ROR2: variants seen among roughly 807,000 people sequenced by gnomAD.
The protein encoded by ROR2 is ROR family WNT receptor 2, also known as tyrosine-protein kinase transmembrane receptor ROR2.
Under a neutral mutation model 74.9 loss-of-function variants are expected in ROR2, and 33 were observed. The ratio of observed to expected loss-of-function variants is 0.44; its 90% confidence interval spans 0.33 to 0.59. The LOEUF (loss-of-function observed/expected upper bound fraction) is 0.59, where lower values mean the gene tolerates loss of function less well. Ranked by LOEUF, ROR2 falls within the 20% of genes least tolerant of loss-of-function variation. The probability of loss-of-function intolerance (pLI) is 0.02; values close to 1 mark genes in which losing one functional copy is unlikely to be tolerated. For missense variants in ROR2, 1,216 were observed against 1,313.8 expected, an observed-to-expected ratio of 0.93 and a Z score of 1.15; for synonymous variants, 586 against 558.7, an observed-to-expected ratio of 1.05 and a Z score of -0.69.
At chr9:91,893,338 G>A (rs1203898889) in intron 1 of ROR2, among the ~76,000 whole-genome samples, 1 of 152,122 alleles carries the variant, frequency 6.6e-6, no homozygotes, top group African/African-American at 2.4e-5. Flanking sequence ...TACTCAGGGG[G>A]CCGAGGCAGG....
At chr9:91,863,268 C>T (rs115127886) in intron 1 of ROR2, among the ~76,000 whole-genome samples, 1,913 of 152,278 alleles carry the variant, frequency 0.013, 42 homozygotes, top group African/African-American at 0.043. Context: ...TCAAGTGATC[C>T]TCCCGCCTTG....
chr9:91,796,879 G>A (rs536979008), intron 1 of ROR2, among the ~76,000 whole-genome samples: 2 of 124,942 alleles, frequency 1.6e-5, no homozygotes, highest in African/African-American at 7.0e-5. Flanking sequence ...CTCTGTGGGC[G>A]GGGCTGACAC....
At chr9:91,847,674 G>A (rs986018107) in intron 1 of ROR2, among the ~76,000 whole-genome samples, 2 of 152,212 alleles carry the variant, frequency 1.3e-5, no homozygotes, top group South Asian at 2.1e-4. Context: ...CCAGGGCTGA[G>A]GGTCGAGAGC....
intron 1 of ROR2, among the ~76,000 whole-genome samples, chr9:91,874,142 G>T (rs1829885424): frequency 6.6e-6 from 1 of 152,140 alleles, no homozygotes; most frequent in Non-Finnish European, 1.5e-5. Flanking sequence ...GGGCCTCAAG[G>T]AATCACCCCA....
intron 1 of ROR2, among the ~76,000 whole-genome samples, chr9:91,871,573 G>A (rs1829798260): frequency 1.3e-5 from 2 of 152,150 alleles, no homozygotes; most frequent in Admixed American, 6.5e-5. Context: ...CTCTCCATAT[G>A]GTGTCCCCGA....
chr9:91,884,926 T>C (rs1432421865), intron 1 of ROR2, among the ~76,000 whole-genome samples: 1 of 152,210 alleles, frequency 6.6e-6, no homozygotes, highest in Non-Finnish European at 1.5e-5. Flanking sequence ...GATCAGTTGG[T>C]TGGGGAGACC....
intron 1 of ROR2, among the ~76,000 whole-genome samples, chr9:91,799,361 G>C (rs958437364): frequency 3.9e-5 from 6 of 152,166 alleles, no homozygotes; most frequent in African/African-American, 1.2e-4. Context: ...GAGTATGACC[G>C]TCCCAAGTGT....
At chr9:91,854,938 G>A (rs187892721) in intron 1 of ROR2, among the ~76,000 whole-genome samples, 7 of 152,256 alleles carry the variant, frequency 4.6e-5, no homozygotes, top group African/African-American at 1.7e-4. Flanking sequence ...AGAATAATTA[G>A]TAACTAGAAG....
chr9:91,895,759 G>A lies in ROR2; in HGVS notation c.97+54108C>T, dbSNP rs993279992. Among the ~76,000 whole-genome samples the A allele has an allele frequency of 3.9e-5, 6 of 152,126 alleles. 1 individual carries two copies. Among genetic ancestry groups the A allele is most frequent in the Admixed American group, 6.5e-5 (1 of 15,268 alleles). Reference sequence around the variant, plus strand: ...TCGGGAGGCTGACACGGGAGAATTCGCTTGAACATGAAAGACGGCGGTTGC... The same window carrying A: ...TCGGGAGGCTGACACGGGAGAATTCACTTGAACATGAAAGACGGCGGTTGC... On this transcript the variant is annotated intron_variant, in intron 1 of 8. Transcript: ENST00000375708.
At chr9:91,873,154 C>T (rs1213097090) in intron 1 of ROR2, among the ~76,000 whole-genome samples, 1 of 151,792 alleles carries the variant, frequency 6.6e-6, no homozygotes, top group African/African-American at 2.4e-5. Flanking sequence ...CATTGGTTTT[C>T]ACCCTCCCCT....
At chr9:91,736,915 T>G (rs1199845580) in intron 5 of ROR2, among the ~76,000 whole-genome samples, 2 of 152,168 alleles carry the variant, frequency 1.3e-5, no homozygotes, top group East Asian at 3.9e-4. Context: ...CTACCACTGA[T>G]GACCCGCGAC....
chr9:91,730,961 A>G lies in ROR2; in HGVS notation c.1132T>C (p.Phe378Leu), dbSNP rs745730356. The G allele has an allele frequency of 1.2e-6, 2 of 1,614,160 alleles. No homozygotes were observed. The highest frequency in any genetic ancestry group is 3.3e-5 in the Admixed American group (2 of 60,016). The change falls in exon 7 of 9, where the codon TTT becomes CTT. Residue 378 changes from phenylalanine to leucine, a missense_variant. Physicochemically the swap from Phe to Leu is conservative, Grantham distance 22 (BLOSUM62 0). Transcript: ENST00000375708. ...PGGQMEGPWC[F>L]TQNKNVRMEL... ...ATGCGTACGTTTTTATTCTGCGTAA[A>G]GCACCAGGGGCCCTCCATCTGGCCT...
chr9:91,908,546 A>G (rs1409720906), intron 1 of ROR2, among the ~76,000 whole-genome samples: 7 of 152,334 alleles, frequency 4.6e-5, no homozygotes, highest in African/African-American at 1.7e-4. Flanking sequence ...GTAGATAGGG[A>G]CCAGGTACTT....
At chr9:91,948,964 G>A in intron 1 of ROR2, 1 of 971,506 alleles carries the variant, frequency 1.0e-6, no homozygotes, top group Non-Finnish European at 1.2e-6. Flanking sequence ...CAGGTCCCAA[G>A]CTGCACTTCC....
chr9:91,839,277 T>TGTGTGTGTGTGTAAGTACAGGC (rs1828711952), intron 1 of ROR2, among the ~76,000 whole-genome samples: 5 of 145,168 alleles, frequency 3.4e-5, no homozygotes, highest in African/African-American at 1.4e-4. Flanking sequence ...TGTGTGTGTG[T>TGTGTGTGTGTGTAAGTACAGGC]GTGTGTGTGT....
At chr9:91,772,397 T>A (rs1826260761) in intron 2 of ROR2, among the ~76,000 whole-genome samples, 1 of 152,116 alleles carries the variant, frequency 6.6e-6, no homozygotes, top group Non-Finnish European at 1.5e-5. Flanking sequence ...ATGCTGGGGG[T>A]GCTCCCATCT....
chr9:91,812,835 G>T (rs1311740969), intron 1 of ROR2, among the ~76,000 whole-genome samples: 1 of 152,188 alleles, frequency 6.6e-6, no homozygotes, highest in Non-Finnish European at 1.5e-5. Flanking sequence ...CCCAGCCAAA[G>T]ACTGTGTTGA....
Position 91,723,868 on chromosome 9 carries a change from TGGTGACGTA to T in ROR2, c.2617_2625del (p.Tyr873_Thr875del), listed in dbSNP as rs1450233984. ...GCCATGGATGTGTTGGAGGGGGCCG[TGGTGACGTA>T]GCCTGTGCTGGTGGAGCCACTGCCA... On this transcript the variant is annotated inframe_deletion, in exon 9 of 9. Coordinates refer to ENST00000375708, the MANE Select transcript of ROR2 (RefSeq NM_004560.4). 1 of 1,614,044 alleles carries T rather than the reference TGGTGACGTA, an allele frequency of 6.2e-7. No homozygotes were observed. The highest frequency in any genetic ancestry group is 8.5e-7 in the Non-Finnish European group (1 of 1,180,028).
chr9:91,934,114 G>A (rs547646055), intron 1 of ROR2, among the ~76,000 whole-genome samples: 1 of 152,168 alleles, frequency 6.6e-6, no homozygotes, highest in East Asian at 1.9e-4. Flanking sequence ...GATGCGGGGG[G>A]GCGAGTGAAA....
Sources: gnomAD v4.1 joint callset for allele counts (sites outside exome capture counted in the v4.1 genomes callset) on GRCh38, gnomAD v4.1.1 for gene constraint, MANE v1.5 for transcripts, NCBI Gene and HGNC (gene_info 2026-07-23, HGNC 2026-07-21) for gene names.